Variants in RCAN2 observed in about 807,000 individuals in gnomAD.
The protein encoded by RCAN2 is calcipressin-2.
Under a neutral mutation model 23.6 loss-of-function variants are expected in RCAN2, and 9 were observed. That is an observed-to-expected ratio of 0.38 (90% confidence interval 0.23 to 0.67). The LOEUF is 0.67. RCAN2 is among the 30% of genes least tolerant of loss of function. The probability of loss-of-function intolerance (pLI) is 0.51; values close to 1 mark genes in which losing one functional copy is unlikely to be tolerated. For missense variants in RCAN2, 273 were observed against 302.3 expected (o/e 0.90, Z 0.72); for synonymous variants, 109 against 115.7 (o/e 0.94, Z 0.37).
chr6:46,431,483 C>T (rs1284254953), intron 2 of RCAN2, among the ~76,000 whole-genome samples: 2 of 152,110 alleles, frequency 1.3e-5, no homozygotes, highest in African/African-American at 2.4e-5. Flanking sequence ...AATAGAAGTC[C>T]GCTCCTTGTT....
chr6:46,369,961 A>C (rs952110131), intron 2 of RCAN2, among the ~76,000 whole-genome samples: 10 of 152,166 alleles, frequency 6.6e-5, no homozygotes, highest in African/African-American at 2.4e-4. Context: ...CATAGCAAGC[A>C]ATCAGGAGGG....
intron 2 of RCAN2, among the ~76,000 whole-genome samples, chr6:46,273,294 A>T (rs998148495): frequency 1.1e-4 from 17 of 152,182 alleles, no homozygotes; most frequent in Non-Finnish European, 1.6e-4. Context: ...CAGAATTCAC[A>T]ATTTCTCTGC....
intron 2 of RCAN2, among the ~76,000 whole-genome samples, chr6:46,400,549 G>T (rs888935237): frequency 3.9e-5 from 6 of 152,152 alleles, no homozygotes; most frequent in Admixed American, 1.3e-4. Context: ...TACCAGACAT[G>T]CCAAACTCGA....
At chr6:46,295,872 T>G (rs1762708868) in intron 2 of RCAN2, among the ~76,000 whole-genome samples, 1 of 151,826 alleles carries the variant, frequency 6.6e-6, no homozygotes. Flanking sequence ...GACACAAGTG[T>G]TCTCTTAGGC....
chr6:46,310,627 A>G (rs1230262808), intron 2 of RCAN2, among the ~76,000 whole-genome samples: 1 of 152,162 alleles, frequency 6.6e-6, no homozygotes, highest in African/African-American at 2.4e-5. Flanking sequence ...TTATTTCTCC[A>G]TAGTACTGGC....
chr6:46,223,797 A>AG (rs2150301592), intron 4 of RCAN2, among the ~76,000 whole-genome samples: 1 of 152,322 alleles, frequency 6.6e-6, no homozygotes, highest in African/African-American at 2.4e-5. Flanking sequence ...TCACATGCCC[A>AG]GGATTCAGTG....
intron 2 of RCAN2, among the ~76,000 whole-genome samples, chr6:46,392,366 C>T (rs1348560679): frequency 6.6e-6 from 1 of 152,138 alleles, no homozygotes; most frequent in African/African-American, 2.4e-5. Flanking sequence ...GAAGCACTGC[C>T]ATGTAGAAGA....
intron 2 of RCAN2, among the ~76,000 whole-genome samples, chr6:46,447,578 T>C (rs1767752116): frequency 6.6e-6 from 1 of 151,978 alleles, no homozygotes; most frequent in Admixed American, 6.5e-5. Flanking sequence ...TAATATTCTC[T>C]AGGATAGATC....
At chr6:46,318,134 C>A (rs940667796) in intron 2 of RCAN2, among the ~76,000 whole-genome samples, 1 of 152,166 alleles carries the variant, frequency 6.6e-6, no homozygotes, top group African/African-American at 2.4e-5. Flanking sequence ...TAATGCTCAA[C>A]TTAGTAAACA....
intron 2 of RCAN2, among the ~76,000 whole-genome samples, chr6:46,402,521 C>T (rs1766278818): frequency 6.6e-6 from 1 of 152,198 alleles, no homozygotes; most frequent in African/African-American, 2.4e-5. Context: ...AAGTTTGTCT[C>T]TGCCTTCCCA....
At chr6:46,224,345 T>C (rs1765575617) in intron 4 of RCAN2, among the ~76,000 whole-genome samples, 1 of 152,170 alleles carries the variant, frequency 6.6e-6, no homozygotes, top group Non-Finnish European at 1.5e-5. Flanking sequence ...CCAAAAACAA[T>C]AACTCCCAGA....
intron 4 of RCAN2, among the ~76,000 whole-genome samples, chr6:46,233,532 A>AG: frequency 1.3e-5 from 2 of 152,310 alleles, no homozygotes; most frequent in South Asian, 4.1e-4. Context: ...TCTGCAGCAG[A>AG]GACCCAGAAC....
intron 2 of RCAN2, among the ~76,000 whole-genome samples, chr6:46,252,768 C>A (rs1230713553): frequency 6.6e-6 from 1 of 152,132 alleles, no homozygotes; most frequent in East Asian, 1.9e-4. Flanking sequence ...GATCTCATAT[C>A]TGCTTCTGCA....
intron 2 of RCAN2, among the ~76,000 whole-genome samples, chr6:46,274,855 G>C (rs1481826036): frequency 1.3e-5 from 2 of 152,176 alleles, no homozygotes; most frequent in Non-Finnish European, 2.9e-5. Flanking sequence ...TGAGAGAGCA[G>C]GATACCCAAG....
chr6:46,355,015 T>C (rs1394656548), intron 2 of RCAN2, among the ~76,000 whole-genome samples: 2 of 151,598 alleles, frequency 1.3e-5, no homozygotes, highest in African/African-American at 4.9e-5. Flanking sequence ...TAGCTAACCC[T>C]AAGAATTTCC....
intron 2 of RCAN2, among the ~76,000 whole-genome samples, chr6:46,303,266 T>G (rs1762964309): frequency 1.3e-5 from 2 of 151,986 alleles, no homozygotes; most frequent in Admixed American, 6.6e-5. Flanking sequence ...ATTAGCCTTG[T>G]GTACTTACTG....
chr6:46,264,575 C>T (rs1482437946), intron 2 of RCAN2, among the ~76,000 whole-genome samples: 1 of 152,134 alleles, frequency 6.6e-6, no homozygotes, highest in Non-Finnish European at 1.5e-5. Flanking sequence ...AATTAAATCT[C>T]TCATGTTCAA....
intron 2 of RCAN2, among the ~76,000 whole-genome samples, chr6:46,335,676 T>C (rs1009254141): frequency 6.6e-6 from 1 of 152,180 alleles, no homozygotes; most frequent in African/African-American, 2.4e-5. Context: ...TTGGTAGGGA[T>C]CTTTTTATCT....
intron 4 of RCAN2, among the ~76,000 whole-genome samples, chr6:46,233,726 T>C (rs1765987842): frequency 6.6e-6 from 1 of 151,530 alleles, no homozygotes; most frequent in Non-Finnish European, 1.5e-5. Context: ...CACTTCTTTT[T>C]TTTTTTTTTT....
Sources: gnomAD v4.1 joint callset for allele counts (sites outside exome capture counted in the v4.1 genomes callset) on GRCh38, gnomAD v4.1.1 for gene constraint, MANE v1.5 for transcripts, NCBI Gene and HGNC (gene_info 2026-07-23, HGNC 2026-07-21) for gene names.